ISY1: variants seen among roughly 807,000 people sequenced by gnomAD.
ISY1 encodes ISY1 spliceosome associated protein.
Under a neutral mutation model 54.4 loss-of-function variants are expected in ISY1, and 12 were observed. That is an observed-to-expected ratio of 0.22 (90% CI 0.14 to 0.36). The LOEUF is 0.36. ISY1 is among the 10% of genes least tolerant of loss of function. ISY1 has a pLI of 1.00. For missense variants in ISY1, 282 were observed against 342.2 expected (o/e 0.82, Z 1.39); for synonymous variants, 96 against 117.9 (o/e 0.81, Z 1.20).
chr3:129,149,610 AATATATAT>A (rs1199049568), intron 5 of ISY1, among the ~76,000 whole-genome samples: 19 of 24,626 alleles, frequency 7.7e-4, no homozygotes, highest in African/African-American at 2.1e-3. Flanking sequence ...AAAAAAAAAA[AATATATAT>A]ATATATATAT....
At chr3:129,147,534 C>T (rs578148883) in intron 5 of ISY1, among the ~76,000 whole-genome samples, 2 of 152,172 alleles carry the variant, frequency 1.3e-5, no homozygotes, top group Admixed American at 6.6e-5. Flanking sequence ...GGGCCTCAAC[C>T]AAAGCAAAGG....
chr3:129,143,675 T>C (rs1936689224), intron 6 of ISY1, among the ~76,000 whole-genome samples: 1 of 151,240 alleles, frequency 6.6e-6, no homozygotes, highest in Non-Finnish European at 1.5e-5. Flanking sequence ...TTATATCTTA[T>C]AATTTTTATA....
chr3:129,144,246 TAAAATAAATGA>T, intron 6 of ISY1: 1 of 337,348 alleles, frequency 3.0e-6, no homozygotes, highest in Non-Finnish European at 5.9e-6. Flanking sequence ...ACAGCAAAAA[TAAAATAAATGA>T]AAAGAAAAAA....
chr3:129,133,790 C>T (rs1040934805), intron 9 of ISY1, among the ~76,000 whole-genome samples: 1 of 152,198 alleles, frequency 6.6e-6, no homozygotes, highest in African/African-American at 2.4e-5. Context: ...AAGCTCATGG[C>T]TTCCTCTGTG....
At chr3:129,157,884 T>A (rs865910957) in intron 3 of ISY1, among the ~76,000 whole-genome samples, 1 of 151,782 alleles carries the variant, frequency 6.6e-6, no homozygotes, top group Admixed American at 6.6e-5. Context: ...AATAGGAAAT[T>A]CTGAAGTTTG....
intron 1 of ISY1, among the ~76,000 whole-genome samples, chr3:129,159,642 C>T (rs1157420539): frequency 6.6e-6 from 1 of 152,172 alleles, no homozygotes; most frequent in African/African-American, 2.4e-5. Flanking sequence ...CACTAAATGT[C>T]AACTCAATTA....
At chr3:129,144,185 A>T (rs932995845) in intron 6 of ISY1, 4 of 433,248 alleles carry the variant, frequency 9.2e-6, no homozygotes, top group East Asian at 7.0e-5. Flanking sequence ...CTGGCAGGAC[A>T]TATACTAAAA....
intron 9 of ISY1, among the ~76,000 whole-genome samples, chr3:129,132,503 G>C (rs1023437984): frequency 6.6e-6 from 1 of 152,128 alleles, no homozygotes; most frequent in Non-Finnish European, 1.5e-5. Context: ...AGCACATGAT[G>C]CGCCCCTGCT....
chr3:129,143,209 G>T (rs939528951), intron 6 of ISY1, among the ~76,000 whole-genome samples: 1 of 150,108 alleles, frequency 6.7e-6, no homozygotes, highest in African/African-American at 2.5e-5. Flanking sequence ...GTAAAATCTT[G>T]TCACAAAAAC....
At chr3:129,136,169 T>A (rs1199635988) in intron 7 of ISY1, among the ~76,000 whole-genome samples, 1 of 152,044 alleles carries the variant, frequency 6.6e-6, no homozygotes, top group African/African-American at 2.4e-5. Context: ...TGGCATGATC[T>A]TGGCTCACTG....
In ISY1 at chr3:129,134,938, T is replaced by G; in HGVS notation, c.435A>C (p.Arg145Ser). 6.2e-7 allele frequency: 1 copy of G among 1,608,374 alleles called. No homozygotes were observed. The highest frequency in any genetic ancestry group is 8.5e-7 in the Non-Finnish European group (1 of 1,176,692). Residue 145 changes from arginine (R) to serine (S), a missense_variant, in exon 8 of 11, where the codon AGA (arginine) becomes AGC (serine). Physicochemically the swap from Arg to Ser is moderately radical, Grantham distance 110 (BLOSUM62 -1). This residue lies in a region of ISY1 where 279 missense variants were observed against 323.6 expected (regional missense o/e 0.86). Coordinates refer to ENST00000393295, the MANE Select transcript of ISY1 (RefSeq NM_020701.4). ...LFEKEPLPPPRKTRAELMKAI... is the reference protein window; with the variant it reads ...LFEKEPLPPPSKTRAELMKAI... ...CCTTCATGAGCTCAGCACGTGTCTT[T>G]CTGGGAGGAGGAAGAGCTATAAGAA...
intron 7 of ISY1, among the ~76,000 whole-genome samples, chr3:129,135,792 C>T (rs1035064793): frequency 5.3e-5 from 8 of 150,698 alleles, no homozygotes; most frequent in Non-Finnish European, 4.4e-5. Context: ...AAACCAAACA[C>T]GAGATAGCAA....
intron 7 of ISY1, among the ~76,000 whole-genome samples, chr3:129,139,493 T>C (rs913078168): frequency 1.3e-4 from 20 of 152,182 alleles, no homozygotes; most frequent in African/African-American, 4.6e-4. Flanking sequence ...CTTTTTCCTA[T>C]GAAGTGTTGA....
Position 129,130,375 on chromosome 3 carries a change from G to A in ISY1, c.750+175C>T, listed in dbSNP as rs577004944. Among the ~76,000 whole-genome samples, 3 of 152,334 alleles carry A rather than the reference G, an allele frequency of 2.0e-5. No individual in the cohort carries two copies. The South Asian group carries it at 6.2e-4, about 32-fold the overall frequency. On this transcript the variant is annotated intron_variant, in intron 10 of 10. Transcript: ENST00000393295. ...TTGAACGATAGAATGGCCTAGAGCA[G>A]AGGGTCCTGCCCTTTTTGGACCCCA...
chr3:129,153,441 G>A (rs926963006), intron 5 of ISY1, among the ~76,000 whole-genome samples: 15 of 152,080 alleles, frequency 9.9e-5, no homozygotes, highest in Admixed American at 6.6e-4. Flanking sequence ...CACATCCCTG[G>A]CCTCTACCCA....
At position 129,149,611 on chromosome 3, in the gene ISY1, ATATATATAT is replaced by A. The variant is rs1206360705; in HGVS notation, c.188-3747_188-3739del. 1.4e-3 allele frequency among the ~76,000 whole-genome samples: 61 copies of A among 43,524 alleles called. 1 individual carries two copies. Among genetic ancestry groups the A allele is most frequent in the African/African-American group, 5.8e-3 (55 of 9,442 alleles). 28.6% of individuals were successfully genotyped at this position (43,524 alleles called of 152,430 possible). A position where few individuals can be genotyped will look rare whatever the true frequency, so the allele number is the denominator to read the frequency against. ...AAAAAAAAAAAAAAAAAAAAAAAAA[ATATATATAT>A]ATATATATATATATATACACAAAAA... On this transcript the variant is annotated intron_variant, in intron 5 of 10. Transcript: ENST00000393295.
At chr3:129,130,870 G>A (rs1260251667) in intron 9 of ISY1, among the ~76,000 whole-genome samples, 6 of 152,240 alleles carry the variant, frequency 3.9e-5, no homozygotes, top group Non-Finnish European at 8.8e-5. Context: ...ACTGACGGCA[G>A]TGAGACCAAG....
rs1936193309 is a variant in ISY1 at position 129,130,019 on chromosome 3, G to C, written c.*62C>G. On this transcript the variant is annotated 3_prime_UTR_variant, in exon 11 of 11. Coordinates refer to ENST00000393295, the MANE Select transcript of ISY1 (RefSeq NM_020701.4). Reference sequence around the variant, plus strand: ...CTTGCAGCACCAGCCTGTGTCTGCAGCCCTGGGTCCTGAGGTACCACTGGG... The same window carrying C: ...CTTGCAGCACCAGCCTGTGTCTGCACCCCTGGGTCCTGAGGTACCACTGGG... 1 of 1,329,822 alleles carries C rather than the reference G, an allele frequency of 7.5e-7. No homozygotes were observed. Among genetic ancestry groups the C allele is most frequent in the South Asian group, 1.4e-5 (1 of 69,062 alleles). 82.4% of individuals were successfully genotyped at this position (1,329,822 alleles called of 1,614,324 possible).
chr3:129,150,765 G>A (rs1289350868), intron 5 of ISY1, among the ~76,000 whole-genome samples: 1 of 151,860 alleles, frequency 6.6e-6, no homozygotes, highest in Non-Finnish European at 1.5e-5. Flanking sequence ...GTGTTTTGGT[G>A]CTTTTGTAAA....
Sources: allele counts gnomAD v4.1 joint callset (sites outside exome capture counted in the v4.1 genomes callset), GRCh38; gene constraint gnomAD v4.1.1; regional missense constraint gnomAD v4.1.1; transcripts MANE v1.5; gene names NCBI Gene and HGNC (gene_info 2026-07-23, HGNC 2026-07-21).